Variants in C12orf54 observed in about 807,000 individuals in gnomAD.
C12orf54 encodes the protein uncharacterized protein C12orf54.
In C12orf54, 24 loss-of-function variants were observed where a neutral mutation model predicts 26.4. The observed-to-expected ratio is 0.91, with a 90% confidence interval of 0.66 to 1.28. The LOEUF (loss-of-function observed/expected upper bound fraction) is 1.28, where lower values mean the gene tolerates loss of function less well. Among genes scored for constraint, C12orf54 ranks in the 50% most tolerant of loss-of-function variants. The probability of loss-of-function intolerance (pLI) is 0.00; values close to 1 mark genes in which losing one functional copy is unlikely to be tolerated. For synonymous variants in C12orf54, 54 were observed against 47.0 expected (o/e 1.15, Z -0.61); for missense variants, 154 against 150.9 (o/e 1.02, Z -0.11).
At chr12:48,435,921 A>C in the C12orf54 span, among the ~76,000 whole-genome samples, 1 of 152,208 alleles carries the variant, frequency 6.6e-6, no homozygotes, top group Non-Finnish European at 1.5e-5. Context: ...ATAATGTTAA[A>C]TGTAAATGGG....
chr12:48,447,272 G>A, the C12orf54 span, among the ~76,000 whole-genome samples: 14 of 149,696 alleles, frequency 9.4e-5, no homozygotes, highest in South Asian at 2.1e-4. Flanking sequence ...TGATGACACC[G>A]TGAGGAGGTG....
chr12:48,477,370 A>G, the C12orf54 span, among the ~76,000 whole-genome samples: 1 of 152,232 alleles, frequency 6.6e-6, no homozygotes, highest in Non-Finnish European at 1.5e-5. Context: ...TTCAAAAGCT[A>G]GCAGAAGGCA....
the C12orf54 span, among the ~76,000 whole-genome samples, chr12:48,435,181 T>G: frequency 1.3e-5 from 2 of 151,830 alleles, no homozygotes; most frequent in Non-Finnish European, 2.9e-5. Flanking sequence ...ATGAAATGAA[T>G]GAAATGAAGT....
chr12:48,432,764 G>A, the C12orf54 span, among the ~76,000 whole-genome samples: 1 of 151,950 alleles, frequency 6.6e-6, no homozygotes, highest in Non-Finnish European at 1.5e-5. Context: ...AGCTACTGGG[G>A]AGCCTGAGGC....
At chr12:48,488,111 C>G (rs1937693481) in intron 4 of C12orf54, 1 of 823,484 alleles carries the variant, frequency 1.2e-6, no homozygotes. Context: ...AGTCCCAAGG[C>G]TGCATGAAGG....
chr12:48,421,474 T>G, the C12orf54 span, among the ~76,000 whole-genome samples: 1 of 150,594 alleles, frequency 6.6e-6, no homozygotes, highest in East Asian at 2.0e-4. Flanking sequence ...AGATGAGATT[T>G]CGGTAGGGAC....
chr12:48,479,445 T>A (rs1954176305), upstream of C12orf54, among the ~76,000 whole-genome samples: 1 of 152,012 alleles, frequency 6.6e-6, no homozygotes, highest in South Asian at 2.1e-4. Flanking sequence ...CACACCAACA[T>A]GGCACATGTA....
the C12orf54 span, among the ~76,000 whole-genome samples, chr12:48,414,639 G>C: frequency 6.6e-6 from 1 of 152,164 alleles, no homozygotes; most frequent in East Asian, 1.9e-4. Flanking sequence ...CCATGTGCCA[G>C]GCTGGCCCTT....
intron 5 of C12orf54, among the ~76,000 whole-genome samples, chr12:48,489,725 AT>A (rs34855520): frequency 0.28 from 39,175 of 138,538 alleles, 5,624 homozygotes; most frequent in East Asian, 0.65. Flanking sequence ...CCTAAGAAGG[AT>A]TTTTTTTTTT....
chr12:48,493,818 T>C (rs2137098434), intron 7 of C12orf54, among the ~76,000 whole-genome samples: 1 of 144,060 alleles, frequency 6.9e-6, no homozygotes, highest in Non-Finnish European at 1.5e-5. Flanking sequence ...AAATTAGACA[T>C]AGGGAGGAAA....
chr12:48,437,933 C>T, the C12orf54 span, among the ~76,000 whole-genome samples: 1 of 152,130 alleles, frequency 6.6e-6, no homozygotes, highest in Non-Finnish European at 1.5e-5. Context: ...AAATAAAGGG[C>T]ATTCAGTTAG....
Position 48,482,501 on chromosome 12 carries a change from G to A in C12orf54, c.-133G>A, listed in dbSNP as rs1954208434. ...GTTGATATGGGAACAGGAGGCTGTTGTGAGATGGGGCTCAAATAGGAAAAA... is the reference window on the plus strand; with the variant it reads ...GTTGATATGGGAACAGGAGGCTGTTATGAGATGGGGCTCAAATAGGAAAAA... On this transcript the variant is annotated 5_prime_UTR_variant, in exon 1 of 9. It adds an upstream start codon to the 5' untranslated region. Coordinates refer to ENST00000548364, the MANE Select transcript of C12orf54 (RefSeq NM_152319.4). 1 of 152,242 alleles carries A rather than the reference G, an allele frequency of 6.6e-6. No homozygotes were observed. Among genetic ancestry groups the A allele is most frequent in the Non-Finnish European group, 1.5e-5 (1 of 68,092 alleles). 9.4% of individuals were successfully genotyped at this position (152,242 alleles called of 1,614,324 possible). A position where few individuals can be genotyped will look rare whatever the true frequency, so the allele number is the denominator to read the frequency against.
the C12orf54 span, among the ~76,000 whole-genome samples, chr12:48,433,781 G>A: frequency 3.3e-5 from 5 of 152,126 alleles, no homozygotes; most frequent in South Asian, 4.1e-4. Context: ...TTTGCCAGCG[G>A]TGGAGCCAAG....
intron 2 of C12orf54, among the ~76,000 whole-genome samples, chr12:48,484,980 T>A (rs1954241236): frequency 6.6e-6 from 1 of 152,254 alleles, no homozygotes; most frequent in South Asian, 2.1e-4. Flanking sequence ...ATTGTGTGCC[T>A]GAGCCATTTG....
chr12:48,435,501 C>A, the C12orf54 span, among the ~76,000 whole-genome samples: 2 of 152,160 alleles, frequency 1.3e-5, no homozygotes, highest in African/African-American at 4.8e-5. Flanking sequence ...ATGTTAAGAG[C>A]AGCCAGAGAG....
the C12orf54 span, among the ~76,000 whole-genome samples, chr12:48,436,695 C>G: frequency 2.6e-5 from 4 of 152,174 alleles, no homozygotes; most frequent in Non-Finnish European, 5.9e-5. Flanking sequence ...TAAAGATGTT[C>G]TTTGAAACCA....
the C12orf54 span, among the ~76,000 whole-genome samples, chr12:48,457,375 C>T: frequency 6.6e-6 from 1 of 151,828 alleles, no homozygotes; most frequent in East Asian, 1.9e-4. Flanking sequence ...ACTCTGTGGC[C>T]CAGGCTGGAG....
At chr12:48,469,154 G>T in the C12orf54 span, among the ~76,000 whole-genome samples, 1 of 152,134 alleles carries the variant, frequency 6.6e-6, no homozygotes, top group Non-Finnish European at 1.5e-5. Context: ...CAGGAAACAG[G>T]GTTCAAGAGC....
At chr12:48,417,631 A>G in the C12orf54 span, among the ~76,000 whole-genome samples, 403 of 152,292 alleles carry the variant, frequency 2.6e-3, 1 homozygote, top group African/African-American at 9.0e-3. Flanking sequence ...GGTTTCTTAC[A>G]AGGGTATATT....
Sources: allele counts gnomAD v4.1 joint callset (sites outside exome capture counted in the v4.1 genomes callset), GRCh38; gene constraint gnomAD v4.1.1; transcripts MANE v1.5; gene names NCBI Gene and HGNC (gene_info 2026-07-23, HGNC 2026-07-21).